Variants in ERBB4 observed in about 807,000 individuals in gnomAD.
ERBB4 encodes the protein receptor tyrosine-protein kinase erbB-4.
A neutral mutation model predicts 158.0 loss-of-function variants in ERBB4; 42 were observed. That is an observed-to-expected ratio of 0.27 (90% CI 0.21 to 0.34). ERBB4 has a LOEUF of 0.34. Ranked by LOEUF, ERBB4 falls within the 10% of genes least tolerant of loss-of-function variation. The pLI is 1.00. For synonymous variants in ERBB4, 583 were observed against 558.7 expected (o/e 1.04, Z -0.61); for missense variants, 1,333 against 1,624.1 (o/e 0.82, Z 3.08).
intron 20 of ERBB4, among the ~76,000 whole-genome samples, chr2:211,523,804 G>C (rs2066257756): frequency 6.6e-6 from 1 of 152,090 alleles, no homozygotes; most frequent in Admixed American, 6.5e-5. Context: ...ACCCGAGCAG[G>C]TTGCCATTGC....
chr2:211,385,624 C>T (rs375329279), intron 27 of ERBB4, among the ~76,000 whole-genome samples: 9 of 152,246 alleles, frequency 5.9e-5, no homozygotes, highest in East Asian at 1.9e-4. Flanking sequence ...TCTCTGAGTA[C>T]GAGGTTAGAC....
intron 5 of ERBB4, among the ~76,000 whole-genome samples, chr2:211,727,201 C>A (rs1161569622): frequency 6.6e-6 from 1 of 152,092 alleles, no homozygotes; most frequent in Non-Finnish European, 1.5e-5. Context: ...CTGTATTTTA[C>A]TTCACCATTT....
chr2:211,573,219 C>T (rs532982324), intron 19 of ERBB4, among the ~76,000 whole-genome samples: 38 of 152,244 alleles, frequency 2.5e-4, no homozygotes, highest in Non-Finnish European at 4.9e-4. Flanking sequence ...CAAGGAACAT[C>T]TGTAGCCACC....
At chr2:212,072,612 T>G (rs1402694243) in intron 2 of ERBB4, among the ~76,000 whole-genome samples, 1 of 151,990 alleles carries the variant, frequency 6.6e-6, no homozygotes, top group East Asian at 1.9e-4. Flanking sequence ...ATTAGAATAT[T>G]GGAGAACTGT....
chr2:211,657,377 TG>T (rs1197684409), intron 16 of ERBB4, among the ~76,000 whole-genome samples: 1 of 151,546 alleles, frequency 6.6e-6, no homozygotes, highest in African/African-American at 2.4e-5. Context: ...GGCATGGTGG[TG>T]GGCACTTGTA....
chr2:211,474,649 C>T (rs1441214525), intron 20 of ERBB4, among the ~76,000 whole-genome samples: 3 of 151,826 alleles, frequency 2.0e-5, no homozygotes, highest in African/African-American at 4.8e-5. Flanking sequence ...ATTTTGATAC[C>T]ATAAAAATAT....
chr2:212,442,089 A>C (rs1465570689), intron 1 of ERBB4, among the ~76,000 whole-genome samples: 1 of 152,338 alleles, frequency 6.6e-6, no homozygotes, highest in African/African-American at 2.4e-5. Flanking sequence ...CATAATGGAC[A>C]GCAGAGACAA....
chr2:211,563,824 A>G (rs1009920486), intron 19 of ERBB4, among the ~76,000 whole-genome samples: 4 of 152,162 alleles, frequency 2.6e-5, no homozygotes, highest in Non-Finnish European at 4.4e-5. Context: ...GTGTCTATAC[A>G]TATATATACA....
intron 1 of ERBB4, among the ~76,000 whole-genome samples, chr2:212,286,599 T>TTTTTTTTTGTTTTG (rs779242599): frequency 0.42 from 34,601 of 83,368 alleles, 7,702 homozygotes; most frequent in East Asian, 0.65. Context: ...GCTGACTTTT[T>TTTTTTTTTGTTTTG]TTTTTTTTTT....
chr2:211,906,338 C>A (rs889938006), intron 3 of ERBB4, among the ~76,000 whole-genome samples: 8 of 151,864 alleles, frequency 5.3e-5, no homozygotes, highest in African/African-American at 1.9e-4. Context: ...TTCTAGACGA[C>A]CTGAAGATTT....
rs540202685 is a variant in ERBB4 at position 212,374,743 on chromosome 2, G to A, written c.82+163706C>T. 2.4e-4 allele frequency among the ~76,000 whole-genome samples: 36 copies of A among 151,956 alleles called. No homozygotes were observed. The East Asian group carries it at 6.2e-3, about 26-fold the overall frequency. ...GAAAGGTTCCTATTAGTTTGTCCTC[G>A]GCTTTGGAAACTAACAAATAAAGAA... On this transcript the variant is annotated intron_variant, in intron 1 of 27. Coordinates refer to ENST00000342788, the MANE Select transcript of ERBB4 (RefSeq NM_005235.3).
chr2:211,850,941 C>A (rs928970096), intron 3 of ERBB4, among the ~76,000 whole-genome samples: 1 of 151,890 alleles, frequency 6.6e-6, no homozygotes, highest in Non-Finnish European at 1.5e-5. Flanking sequence ...AGGTTTAAGG[C>A]AGCACATTTG....
chr2:211,752,169 T>G (rs1049803757), intron 4 of ERBB4, among the ~76,000 whole-genome samples: 1 of 152,104 alleles, frequency 6.6e-6, no homozygotes, highest in Non-Finnish European at 1.5e-5. Context: ...TAATTATTAT[T>G]AAAAACTTAC....
At chr2:212,221,108 A>C (rs2083276344) in intron 1 of ERBB4, among the ~76,000 whole-genome samples, 1 of 151,412 alleles carries the variant, frequency 6.6e-6, no homozygotes, top group Admixed American at 6.6e-5. Context: ...ATCATGAAAC[A>C]GGGGGTGGTT....
intron 1 of ERBB4, among the ~76,000 whole-genome samples, chr2:212,473,277 A>G (rs1689206222): frequency 6.6e-6 from 1 of 152,006 alleles, no homozygotes; most frequent in African/African-American, 2.4e-5. Flanking sequence ...ATTGATAATC[A>G]CTGCAATGGG....
At chr2:211,415,988 C>T (rs1400524955) in intron 25 of ERBB4, among the ~76,000 whole-genome samples, 1 of 152,172 alleles carries the variant, frequency 6.6e-6, no homozygotes, top group East Asian at 1.9e-4. Context: ...TTACTCACTT[C>T]ACTAATGTGG....
intron 5 of ERBB4, among the ~76,000 whole-genome samples, chr2:211,730,371 C>A (rs1477078838): frequency 6.6e-6 from 1 of 151,854 alleles, no homozygotes; most frequent in Non-Finnish European, 1.5e-5. Flanking sequence ...TCTCTGTTCG[C>A]CCGTTAACAA....
At chr2:212,365,592 T>C (rs1225693967) in intron 1 of ERBB4, among the ~76,000 whole-genome samples, 1 of 151,842 alleles carries the variant, frequency 6.6e-6, no homozygotes, top group African/African-American at 2.4e-5. Flanking sequence ...AATATTTCCT[T>C]AGCTACAAAT....
chr2:212,112,106 C>A (rs1362778896), intron 2 of ERBB4, among the ~76,000 whole-genome samples: 1 of 152,126 alleles, frequency 6.6e-6, no homozygotes, highest in East Asian at 1.9e-4. Context: ...CTCCTTACAG[C>A]CTCAAACTCC....
Sources: allele counts gnomAD v4.1 joint callset (sites outside exome capture counted in the v4.1 genomes callset), GRCh38; gene constraint gnomAD v4.1.1; transcripts MANE v1.5; gene names NCBI Gene and HGNC (gene_info 2026-07-23, HGNC 2026-07-21).